STX3: variants seen among roughly 807,000 people sequenced by gnomAD.
STX3 encodes syntaxin 3, also known as syntaxin-3.
In STX3, 19 loss-of-function variants were observed where a neutral mutation model predicts 40.2. That is an observed-to-expected ratio of 0.47 (90% CI 0.33 to 0.69). STX3 has a LOEUF of 0.69. STX3 is among the 30% of genes least tolerant of loss of function. The pLI, the probability that STX3 is intolerant of heterozygous loss-of-function variation, is 0.02. For synonymous variants in STX3, 122 were observed against 132.2 expected, an observed-to-expected ratio of 0.92 and a Z score of 0.53; for missense variants, 364 against 366.7, an observed-to-expected ratio of 0.99 and a Z score of 0.06.
At chr11:59,799,119 G>T (rs1024867519) in intron 10 of STX3, among the ~76,000 whole-genome samples, 3 of 150,840 alleles carry the variant, frequency 2.0e-5, no homozygotes, top group Admixed American at 2.0e-4. Context: ...TGAACTCCTG[G>T]ACTCAAGCGA....
In STX3 at chr11:59,795,969, G is replaced by T. The variant is rs182429791; in HGVS notation, c.786+487G>T. 3.3e-5 allele frequency among the ~76,000 whole-genome samples: 5 copies of T among 152,268 alleles called. No homozygotes were observed. In the East Asian group the frequency reaches 7.7e-4, roughly 24 times the overall value. ...TTCTGTAGGATGGATGCATGGCCCA[G>T]GTGGTGCTGCTAATCTTCTCCTGGA... On this transcript the variant is annotated intron_variant, in intron 9 of 10. Transcript: ENST00000337979.
intron 10 of STX3, 34 bp from the exon 11 acceptor site, chr11:59,800,821 G>C (rs941858288): frequency 1.7e-5 from 26 of 1,536,316 alleles, no homozygotes; most frequent in Non-Finnish European, 2.3e-5. Context: ...TTCTTCCTGT[G>C]TACTGATCAG....
rs1865925167 is a variant in STX3, at chr11:59,802,520, G to A, written c.*1696G>A. On this transcript the variant is annotated 3_prime_UTR_variant, in exon 11 of 11. Transcript: ENST00000337979. The stretch of plus-strand genomic sequence containing the variant: ...CCCATGGCTATGATGTCAGACAGTG[G>A]ATGGGCTCCAGCAACAAGAGACAAA... 1 of 985,746 alleles carries A rather than the reference G, an allele frequency of 1.0e-6. No homozygotes were observed. 61.1% of individuals were successfully genotyped at this position (985,746 alleles called of 1,614,324 possible). A position where few individuals can be genotyped will look rare whatever the true frequency, so the allele number is the denominator to read the frequency against.
intron 6 of STX3, 86 bp from the exon 7 acceptor site, chr11:59,793,013 A>C: frequency 7.5e-7 from 1 of 1,326,190 alleles, no homozygotes; most frequent in Non-Finnish European, 1.1e-6. Context: ...TTTATAGGGA[A>C]GTCACGTTCC....
intron 2 of STX3, among the ~76,000 whole-genome samples, chr11:59,779,465 A>G (rs1273081685): frequency 6.6e-6 from 1 of 152,216 alleles, no homozygotes. Context: ...GTACCATCCC[A>G]TTGGGGATTA....
chr11:59,756,287 C>CT (rs1862713304), intron 1 of STX3, among the ~76,000 whole-genome samples: 1 of 152,210 alleles, frequency 6.6e-6, no homozygotes, highest in Non-Finnish European at 1.5e-5. Flanking sequence ...CTGTGAGTCT[C>CT]TGTTTCCTTA....
Position 59,801,394 on chromosome 11 carries a change from C to T in STX3, c.*570C>T. On this transcript the variant is annotated 3_prime_UTR_variant, in exon 11 of 11. Transcript: ENST00000337979. ...ATGTCATTTTGGTCTAAAGAGCTGA[C>T]TTGTTTGAAATTCAGCCTTAAATTA... The T allele has an allele frequency of 1.0e-6, 1 of 987,704 alleles. No individual in the cohort carries two copies. Among genetic ancestry groups the T allele is most frequent in the Non-Finnish European group, 1.2e-6 (1 of 831,128 alleles). The allele number at this position is 987,704 out of a possible 1,614,324, so 61.2% of individuals were successfully genotyped here.
At chr11:59,800,208 A>G in intron 10 of STX3, 5 of 985,406 alleles carry the variant, frequency 5.1e-6, no homozygotes, top group Non-Finnish European at 6.0e-6. Flanking sequence ...ATTGTTGCCT[A>G]GGTCTGGACT....
At position 59,795,537 on chromosome 11, in the gene STX3, C is replaced by T. The variant is rs564491962; in HGVS notation, c.786+55C>T. On this transcript the variant is annotated intron_variant, in intron 9 of 10. Transcript: ENST00000337979. ...AGAGTCCATTTTGTTTGCTGTGTCTCGCTCTTTCTCTTCCCTCTCCCTGTC... is the reference window on the plus strand; with the variant it reads ...AGAGTCCATTTTGTTTGCTGTGTCTTGCTCTTTCTCTTCCCTCTCCCTGTC... The T allele has an allele frequency of 2.7e-5, 42 of 1,562,190 alleles. No individual in the cohort carries two copies. The East Asian group carries it at 7.6e-4, about 28-fold the overall frequency.
chr11:59,769,220 G>A (rs570989447), intron 1 of STX3, among the ~76,000 whole-genome samples: 2 of 152,230 alleles, frequency 1.3e-5, no homozygotes, highest in South Asian at 4.1e-4. Flanking sequence ...TGTTGCCATG[G>A]AGCCGATCTT....
At chr11:59,799,837 T>A in intron 10 of STX3, 1 of 985,464 alleles carries the variant, frequency 1.0e-6, no homozygotes, top group Non-Finnish European at 1.2e-6. Context: ...CCCTCTTTTT[T>A]CTGGCACTTG....
rs748956346 is a variant in STX3, at chr11:59,800,656, AT to A, written c.*31-192del. Reference sequence around the variant, plus strand: ...TTATAAAAGGCCTAGAGGCTTTTCTATTTTTTTCCCCTCTCACAGTAGGGCT... The same window carrying A: ...TTATAAAAGGCCTAGAGGCTTTTCTATTTTTTCCCCTCTCACAGTAGGGCT... On this transcript the variant is annotated intron_variant, in intron 10 of 10. Transcript: ENST00000337979. 5.1e-6 allele frequency: 5 copies of A among 985,012 alleles called. No homozygotes were observed. The East Asian group carries it at 3.4e-4, about 67-fold the overall frequency. 61.0% of individuals were successfully genotyped at this position (985,012 alleles called of 1,614,324 possible).
At chr11:59,756,553 G>C (rs1862727567) in intron 1 of STX3, among the ~76,000 whole-genome samples, 1 of 152,188 alleles carries the variant, frequency 6.6e-6, no homozygotes, top group African/African-American at 2.4e-5. Context: ...CTACTTTGGA[G>C]CTTGTTACAA....
chr11:59,784,108 G>A (rs1864603435), intron 2 of STX3, among the ~76,000 whole-genome samples: 1 of 152,144 alleles, frequency 6.6e-6, no homozygotes, highest in East Asian at 1.9e-4. Context: ...CTGAGCCTGA[G>A]GCCTGCCAGT....
At chr11:59,782,178 C>T (rs1864427832) in intron 2 of STX3, among the ~76,000 whole-genome samples, 2 of 152,140 alleles carry the variant, frequency 1.3e-5, no homozygotes, top group South Asian at 4.1e-4. Flanking sequence ...GAAAATAACT[C>T]CTTCCTTTTA....
At chr11:59,784,989 T>C (rs1023830461) in intron 2 of STX3, among the ~76,000 whole-genome samples, 1 of 152,190 alleles carries the variant, frequency 6.6e-6, no homozygotes, top group African/African-American at 2.4e-5. Context: ...AGGGCACTAT[T>C]TGCATGCTGT....
chr11:59,778,839 T>C (rs1022497306), intron 2 of STX3, among the ~76,000 whole-genome samples: 5 of 150,744 alleles, frequency 3.3e-5, no homozygotes, highest in Non-Finnish European at 5.9e-5. Context: ...TCCTTTTTTT[T>C]TTTTTTTTTT....
intron 3 of STX3, among the ~76,000 whole-genome samples, chr11:59,788,137 G>A (rs940302135): frequency 6.6e-6 from 1 of 152,008 alleles, no homozygotes; most frequent in Admixed American, 6.6e-5. Context: ...TTCTCTACCT[G>A]GCCAACTCAC....
chr11:59,773,861 T>C (rs558865884), intron 2 of STX3, among the ~76,000 whole-genome samples: 4 of 151,784 alleles, frequency 2.6e-5, no homozygotes, highest in African/African-American at 7.3e-5. Context: ...TCCCAGCTAC[T>C]TGGGAGGCTG....
Sources: gnomAD v4.1 joint callset for allele counts (sites outside exome capture counted in the v4.1 genomes callset) on GRCh38, gnomAD v4.1.1 for gene constraint, MANE v1.5 for transcripts, NCBI Gene and HGNC (gene_info 2026-07-23, HGNC 2026-07-21) for gene names.